AARS1: variants seen among roughly 807,000 people sequenced by gnomAD.
AARS1 encodes alanyl-tRNA synthetase 1.
In AARS1, 72 loss-of-function variants were observed where a neutral mutation model predicts 108.9. The ratio of observed to expected loss-of-function variants is 0.66; its 90% CI spans 0.55 to 0.80. The LOEUF (loss-of-function observed/expected upper bound fraction) is 0.80, where lower values mean the gene tolerates loss of function less well. Among genes scored for constraint, AARS1 ranks in the 30% least tolerant of loss-of-function variants. AARS1 has a pLI of 0.00. For synonymous variants in AARS1, 489 were observed against 465.7 expected (o/e 1.05, Z -0.64); for missense variants, 1,193 against 1,233.2 (o/e 0.97, Z 0.49).
intron 4 of AARS1, among the ~76,000 whole-genome samples, chr16:70,274,889 T>A (rs1960499767): frequency 1.3e-5 from 2 of 152,014 alleles, no homozygotes; most frequent in Admixed American, 6.6e-5. Context: ...TTCTATAAGG[T>A]TTGAATTTTT....
At chr16:70,288,917 C>G (rs928659688) in intron 1 of AARS1, among the ~76,000 whole-genome samples, 1 of 152,082 alleles carries the variant, frequency 6.6e-6, no homozygotes, top group Non-Finnish European at 1.5e-5. Flanking sequence ...CTGCTAAATA[C>G]GTATTTCGTG....
At position 70,265,580 on chromosome 16, in the gene AARS1, C is replaced by A. The variant is rs1960242905; in HGVS notation, c.1305G>T (p.Val435=). The change falls in exon 10 of 21, where the codon GTG becomes GTT. Residue 435 remains valine, a synonymous_variant. Coordinates refer to ENST00000261772, the MANE Select transcript of AARS1 (RefSeq NM_001605.3). ...CCTCTTCAAAGCCATCCATGTCTAC[C>A]ACCAGGCCCTTCTCTTCAGCAATCA... The part of the protein sequence containing the change: ...TGLIAEEKGL[V]VDMDGFEEER... 5 of 1,613,954 alleles carry A rather than the reference C, an allele frequency of 3.1e-6. No homozygotes were observed. Among genetic ancestry groups the A allele is most frequent in the Middle Eastern group, 1.6e-4 (1 of 6,082 alleles).
Position 70,289,483 on chromosome 16 carries a change from C to G in AARS1, c.-84G>C. 2 of 441,674 alleles carry G rather than the reference C, an allele frequency of 4.5e-6. No homozygotes were observed. The highest frequency in any genetic ancestry group is 4.8e-5 in the Admixed American group (2 of 41,846). The allele number at this position is 441,674 out of a possible 1,614,324, so 27.4% of individuals were successfully genotyped here. On this transcript the variant is annotated 5_prime_UTR_variant, in exon 1 of 21. Coordinates refer to ENST00000261772, the MANE Select transcript of AARS1 (RefSeq NM_001605.3). ...GTCCCCCGCCAAGGGCCCGCTGCAC[C>G]TATTCCCGCAGACGCGCAGCTGTAC...
At chr16:70,284,949 G>T (rs186369579) in intron 1 of AARS1, among the ~76,000 whole-genome samples, 6 of 152,154 alleles carry the variant, frequency 3.9e-5, no homozygotes, top group Non-Finnish European at 7.3e-5. Context: ...AAAACGTTAC[G>T]CCACGTGCGG....
intron 4 of AARS1, among the ~76,000 whole-genome samples, chr16:70,272,923 C>CACACACAA (rs1960444546): frequency 6.7e-6 from 1 of 149,450 alleles, no homozygotes; most frequent in Non-Finnish European, 1.5e-5. Flanking sequence ...CACACACACA[C>CACACACAA]AAAAGATTGT....
rs1387945918 is a variant in AARS1, at chr16:70,277,067, C to A, written c.232G>T (p.Ala78Ser). The change falls in exon 3 of 21, where the codon GCT becomes TCT. Residue 78 changes from alanine (A) to serine (S), a missense_variant. Transcript: ENST00000261772. ...TCCAGGTCATTATGTTTGCCCCCAG[C>A]CCGGATGCACTTCTGGGTATTGGCA... ...RAANTQKCIR[A>S]GGKHNDLDDV... is the part of the protein sequence containing the mutation. The A allele has an allele frequency of 1.9e-6, 3 of 1,614,024 alleles. No individual in the cohort carries two copies. The highest frequency in any genetic ancestry group is 4.5e-5 in the East Asian group (2 of 44,900).
At chr16:70,260,636 A>G (rs1039226296) in intron 13 of AARS1, among the ~76,000 whole-genome samples, 3 of 149,134 alleles carry the variant, frequency 2.0e-5, no homozygotes, top group African/African-American at 7.8e-5. Context: ...CCTGCGGTCT[A>G]CTTACACTAG....
In AARS1 at chr16:70,258,962, A is replaced by G; in HGVS notation, c.1992+18T>C. On this transcript the variant is annotated intron_variant, in intron 14 of 20. Transcript: ENST00000261772. ...GACGGTGTGGGGAGGGGGGGCATTC[A>G]GCCGTCGCCCATCCTACCTTGGCTG... The G allele has an allele frequency of 6.2e-7, 1 of 1,612,358 alleles. No individual in the cohort carries two copies. Among genetic ancestry groups the G allele is most frequent in the Non-Finnish European group, 8.5e-7 (1 of 1,178,588 alleles).
At position 70,253,815 on chromosome 16, in the gene AARS1, TCCAGAACAGCAGCTCAGACCAAAAGC is replaced by T; in HGVS notation, c.2521-41_2521-16del. The T allele has an allele frequency of 6.2e-7, 1 of 1,614,134 alleles. No individual in the cohort carries two copies. The highest frequency in any genetic ancestry group is 8.5e-7 in the Non-Finnish European group (1 of 1,180,012). ...TTCTCTAACACCTGCAAGAAAAAAG[TCCAGAACAGCAGCTCAGACCAAAAGC>T]CCAGGCCCCGAACCCCTGGCTGTTC... On this transcript the variant is annotated splice_polypyrimidine_tract_variant and intron_variant, in intron 18 of 20. Transcript: ENST00000261772.
chr16:70,283,087 C>G (rs1471469059), intron 1 of AARS1, among the ~76,000 whole-genome samples: 2 of 151,998 alleles, frequency 1.3e-5, no homozygotes, highest in African/African-American at 4.8e-5. Flanking sequence ...GTGTCAGGCC[C>G]GAGACTAGGA....
At chr16:70,275,451 TA>T (rs974243722) in intron 4 of AARS1, among the ~76,000 whole-genome samples, 7 of 151,184 alleles carry the variant, frequency 4.6e-5, no homozygotes, top group South Asian at 2.1e-4. Flanking sequence ...CAGTCTCTAC[TA>T]AAAAATATAT....
intron 4 of AARS1, among the ~76,000 whole-genome samples, chr16:70,275,637 C>T (rs1240231685): frequency 6.6e-6 from 1 of 151,754 alleles, no homozygotes; most frequent in African/African-American, 2.4e-5. Flanking sequence ...GTGGTGGGCG[C>T]CTGTAGTCCC....
Position 70,258,131 on chromosome 16 carries a change from A to C in AARS1, c.2079T>G (p.Pro693=). The C allele has an allele frequency of 6.2e-7, 1 of 1,613,326 alleles. No homozygotes were observed. The highest frequency in any genetic ancestry group is 8.5e-7 in the Non-Finnish European group (1 of 1,179,654). Residue 693 remains proline (P), a synonymous_variant, in exon 15 of 21, where the codon CCT becomes CCG. Coordinates refer to ENST00000261772, the MANE Select transcript of AARS1 (RefSeq NM_001605.3). The part of the protein sequence containing the change: ...RAVFDETYPD[P]VRVVSIGVPV... ...GGACCCCAATGGAGACGACTCGCACAGGGTCAGGATAGGTCTCATCAAACA... is the reference window on the plus strand; with the variant it reads ...GGACCCCAATGGAGACGACTCGCACCGGGTCAGGATAGGTCTCATCAAACA...
Position 70,253,235 on chromosome 16 carries a change from T to C in AARS1, c.2721+33A>G, listed in dbSNP as rs1249832026. 9 of 1,548,998 alleles carry C rather than the reference T, an allele frequency of 5.8e-6. No individual in the cohort carries two copies. In the Admixed American group the frequency reaches 1.2e-4, roughly 20 times the overall value. On this transcript the variant is annotated intron_variant, in intron 20 of 20. Transcript: ENST00000261772. ...GGCCTCAGCCAACAACCTTAAGACC[T>C]AACACTTCCCACTGGTGCGAGGTGG... is the stretch of plus-strand genomic sequence containing the variant.
intron 1 of AARS1, among the ~76,000 whole-genome samples, chr16:70,288,605 C>G (rs1597452841): frequency 7.4e-6 from 1 of 135,756 alleles, no homozygotes; most frequent in Non-Finnish European, 1.6e-5. Context: ...CTCCCTCTGT[C>G]ACCCAGGCTG....
At chr16:70,285,277 CT>C (rs974176467) in intron 1 of AARS1, among the ~76,000 whole-genome samples, 8 of 150,980 alleles carry the variant, frequency 5.3e-5, no homozygotes, top group African/African-American at 1.9e-4. Flanking sequence ...GATAATATTA[CT>C]TTTAAGTTGT....
In AARS1 at chr16:70,279,670, C is replaced by CAAA. The variant is rs367753826; in HGVS notation, c.145-2519_145-2517dup. Among the ~76,000 whole-genome samples, 658 of 114,512 alleles carry CAAA rather than the reference C, an allele frequency of 5.7e-3. 3 individuals are homozygous for CAAA. Among genetic ancestry groups the CAAA allele is most frequent in the South Asian group, 8.1e-3 (27 of 3,344 alleles). The allele number at this position is 114,512 out of a possible 152,430, so 75.1% of individuals were successfully genotyped here. On this transcript the variant is annotated intron_variant, in intron 2 of 20. Coordinates refer to ENST00000261772, the MANE Select transcript of AARS1 (RefSeq NM_001605.3). ...AGCAAAACTCTGTCTCAAAAAAAAACAAAAAAAAAAAAAAAAAGAAAAGTT... is the reference window on the plus strand; with the variant it reads ...AGCAAAACTCTGTCTCAAAAAAAAACAAAAAAAAAAAAAAAAAAAAGAAAAGTT...
intron 4 of AARS1, 27 bp downstream of exon 4, chr16:70,276,459 C>T (rs763282307): frequency 9.3e-6 from 15 of 1,612,768 alleles, no homozygotes; most frequent in Middle Eastern, 1.7e-4. Flanking sequence ...CTCCTCCATA[C>T]TCTCAAGAAG....
At chr16:70,270,635 C>A (rs182120202) in intron 5 of AARS1, among the ~76,000 whole-genome samples, 1 of 151,624 alleles carries the variant, frequency 6.6e-6, no homozygotes, top group African/African-American at 2.4e-5. Flanking sequence ...GTCAGGAGCT[C>A]GAGACCAGCC....
Sources: allele counts gnomAD v4.1 joint callset (sites outside exome capture counted in the v4.1 genomes callset), GRCh38; gene constraint gnomAD v4.1.1; transcripts MANE v1.5; gene names NCBI Gene and HGNC (gene_info 2026-07-23, HGNC 2026-07-21).